SLC17A8: variants seen among roughly 807,000 people sequenced by gnomAD.
The protein encoded by SLC17A8 is solute carrier family 17 member 8.
A neutral mutation model predicts 58.0 loss-of-function variants in SLC17A8; 31 were observed. The ratio of observed to expected loss-of-function variants is 0.53; its 90% CI spans 0.40 to 0.72. The LOEUF is 0.72. Ranked by LOEUF, SLC17A8 falls within the 30% of genes least tolerant of loss-of-function variation. The pLI is 0.00. For synonymous variants in SLC17A8, 228 were observed against 249.0 expected (o/e 0.92, Z 0.79); for missense variants, 655 against 727.8 (o/e 0.90, Z 1.15).
At chr12:100,381,491 C>A (rs1952637263) in intron 2 of SLC17A8, among the ~76,000 whole-genome samples, 1 of 151,650 alleles carries the variant, frequency 6.6e-6, no homozygotes, top group East Asian at 1.9e-4. Context: ...ATGGCTGGAC[C>A]AGGCAAAGAG....
chr12:100,401,720 A>G, intron 5 of SLC17A8, 57 bp from the exon 6 acceptor site: 1 of 1,340,110 alleles, frequency 7.5e-7, no homozygotes, highest in Admixed American at 1.7e-5. Flanking sequence ...ATTCTAAATG[A>G]GCTGAAAAGG....
At chr12:100,413,579 TGA>T (rs1250620023) in intron 10 of SLC17A8, among the ~76,000 whole-genome samples, 1 of 152,124 alleles carries the variant, frequency 6.6e-6, no homozygotes, top group Non-Finnish European at 1.5e-5. Context: ...CTACTATATG[TGA>T]GAGAAAGGCC....
intron 2 of SLC17A8, among the ~76,000 whole-genome samples, chr12:100,386,802 C>T (rs1338412067): frequency 6.6e-6 from 1 of 151,596 alleles, no homozygotes; most frequent in Admixed American, 6.6e-5. Context: ...GATTCTCCTG[C>T]CCCAGCCTCC....
At chr12:100,398,986 T>G (rs1952771383) in intron 5 of SLC17A8, among the ~76,000 whole-genome samples, 2 of 152,210 alleles carry the variant, frequency 1.3e-5, no homozygotes, top group Admixed American at 1.3e-4. Flanking sequence ...CACGTGGAAC[T>G]GTGAGTCCAA....
chr12:100,417,949 C>T lies in SLC17A8; in HGVS notation c.1298-80C>T, dbSNP rs11110371. On this transcript the variant is annotated intron_variant, in intron 10 of 11. Transcript: ENST00000323346. Reference sequence around the variant, plus strand: ...AGGAAACCAAACAGATTGGTAAAGGCTGGGGCAACTGAGTATTTTCCAAAG... The same window carrying T: ...AGGAAACCAAACAGATTGGTAAAGGTTGGGGCAACTGAGTATTTTCCAAAG... 0.45 allele frequency: 709,164 copies of T among 1,574,430 alleles called. 163,414 individuals carry two copies. The highest frequency in any genetic ancestry group is 0.47 in the Non-Finnish European group (538,519 of 1,145,402).
chr12:100,392,368 G>A (rs1952722754), intron 3 of SLC17A8, among the ~76,000 whole-genome samples: 1 of 152,064 alleles, frequency 6.6e-6, no homozygotes, highest in Admixed American at 6.6e-5. Flanking sequence ...ATTGGTTTTT[G>A]AGACTTGTTT....
chr12:100,402,375 T>C lies in SLC17A8; in HGVS notation c.799T>C (p.Leu267=), dbSNP rs368496606. ...FGIIWYMFWL[L]QAYECPAAHP... ...GATTATTTGGTACATGTTTTGGCTGTTGCAGGCCTATGAGTGCCCAGCAGC... is the reference window on the plus strand; with the variant it reads ...GATTATTTGGTACATGTTTTGGCTGCTGCAGGCCTATGAGTGCCCAGCAGC... Residue 267 remains leucine (L), a synonymous_variant, in exon 7 of 12, where the codon TTG becomes CTG. Transcript: ENST00000323346. The C allele has an allele frequency of 5.6e-6, 9 of 1,614,020 alleles. No individual in the cohort carries two copies. The highest frequency in any genetic ancestry group is 7.6e-6 in the Non-Finnish European group (9 of 1,180,028).
Position 100,380,935 on chromosome 12 carries a change from T to C in SLC17A8, c.336T>C (p.Asp112=), listed in dbSNP as rs11568546. ...EMVNNSTVYV[D]GKPEIQTAQF... ...TCAACAATAGCACCGTATATGTTGATGGAAAACCGGAAATTCAGGTTGGTA... is the reference window on the plus strand; with the variant it reads ...TCAACAATAGCACCGTATATGTTGACGGAAAACCGGAAATTCAGGTTGGTA... The change falls in exon 2 of 12, where the codon GAT becomes GAC. Residue 112 remains aspartate, a synonymous_variant. Transcript: ENST00000323346. 3.1e-3 allele frequency: 5,002 copies of C among 1,614,114 alleles called. 12 individuals carry two copies. The highest frequency in any genetic ancestry group is 0.011 in the Middle Eastern group (66 of 6,028).
At chr12:100,377,016 G>C (rs866299366) in intron 1 of SLC17A8, among the ~76,000 whole-genome samples, 1 of 152,098 alleles carries the variant, frequency 6.6e-6, no homozygotes, top group African/African-American at 2.4e-5. Context: ...TGCCGTGTTG[G>C]TCAGTCTGGT....
At chr12:100,381,562 A>AAGAGAG (rs1397176533) in intron 2 of SLC17A8, among the ~76,000 whole-genome samples, 1 of 97,648 alleles carries the variant, frequency 1.0e-5, no homozygotes, top group African/African-American at 4.6e-5. Flanking sequence ...GACTGTAAGA[A>AAGAGAG]AGAGACAGAG....
chr12:100,399,674 AC>A (rs1450509852), intron 5 of SLC17A8, among the ~76,000 whole-genome samples: 1 of 152,096 alleles, frequency 6.6e-6, no homozygotes, highest in African/African-American at 2.4e-5. Flanking sequence ...TAAGAACAGC[AC>A]GGGGGAAATC....
chr12:100,412,819 C>A lies in SLC17A8; in HGVS notation c.1236C>A (p.Thr412=). ...TLLLVVGFSH[T]KGVAISFLVL... ...TCCTGGTGGTTGGCTTTTCGCATAC[C>A]AAAGGGGTGGCTATCTCCTTTCTGG... is the stretch of plus-strand genomic sequence containing the variant. Residue 412 remains threonine, a synonymous_variant, in exon 10 of 12, where the codon ACC becomes ACA. Coordinates refer to ENST00000323346, the MANE Select transcript of SLC17A8 (RefSeq NM_139319.3). The A allele has an allele frequency of 6.2e-7, 1 of 1,614,046 alleles. No homozygotes were observed. Among genetic ancestry groups the A allele is most frequent in the Non-Finnish European group, 8.5e-7 (1 of 1,179,994 alleles).
intron 10 of SLC17A8, among the ~76,000 whole-genome samples, chr12:100,414,144 A>G (rs1420771802): frequency 2.6e-5 from 4 of 152,152 alleles, no homozygotes. Context: ...TACTTTCTTA[A>G]TATCACACAG....
At chr12:100,364,047 CAAAAAAA>C (rs3057169) in intron 1 of SLC17A8, among the ~76,000 whole-genome samples, 1 of 52,990 alleles carries the variant, frequency 1.9e-5, no homozygotes, top group Non-Finnish European at 3.7e-5. Context: ...GATTCCATCT[CAAAAAAA>C]AAAAAAAAAA....
At chr12:100,390,292 T>A (rs150726146) in intron 2 of SLC17A8, among the ~76,000 whole-genome samples, 57 of 152,090 alleles carry the variant, frequency 3.7e-4, no homozygotes, top group African/African-American at 1.3e-3. Context: ...TTTAAATTTG[T>A]ACATAATCTC....
intron 2 of SLC17A8, among the ~76,000 whole-genome samples, chr12:100,389,606 T>TAG (rs1952699543): frequency 6.6e-6 from 1 of 150,842 alleles, no homozygotes; most frequent in African/African-American, 2.4e-5. Context: ...ATATTATATA[T>TAG]ATATAGAGAG....
intron 1 of SLC17A8, among the ~76,000 whole-genome samples, chr12:100,360,263 G>A (rs1020722228): frequency 2.6e-5 from 4 of 152,180 alleles, no homozygotes; most frequent in Non-Finnish European, 4.4e-5. Flanking sequence ...ATTAAACTTG[G>A]AAACTAATGT....
intron 1 of SLC17A8, among the ~76,000 whole-genome samples, chr12:100,373,837 C>T (rs1232185107): frequency 6.6e-6 from 1 of 152,108 alleles, no homozygotes; most frequent in Non-Finnish European, 1.5e-5. Flanking sequence ...GATCCTCTCG[C>T]CTCAGCCTTC....
rs922485674 is a variant in SLC17A8 at position 100,357,514 on chromosome 12, T to C, written c.101+22T>C. 7 of 1,497,110 alleles carry C rather than the reference T, an allele frequency of 4.7e-6. No individual in the cohort carries two copies. In the African/African-American group the frequency reaches 6.9e-5, roughly 15 times the overall value. 92.7% of individuals were successfully genotyped at this position (1,497,110 alleles called of 1,614,324 possible). ...AAAGGTAAAGTTTGAATGCGAACTT[T>C]AGTTCCTTTCTGAGTAGCTTCGTAT... On this transcript the variant is annotated intron_variant, in intron 1 of 11. Transcript: ENST00000323346.
Sources: gnomAD v4.1 joint callset for allele counts (sites outside exome capture counted in the v4.1 genomes callset) on GRCh38, gnomAD v4.1.1 for gene constraint, MANE v1.5 for transcripts, NCBI Gene and HGNC (gene_info 2026-07-23, HGNC 2026-07-21) for gene names.